LRRCC1: variants seen among roughly 807,000 people sequenced by gnomAD.
LRRCC1 encodes the protein leucine-rich repeat and coiled-coil domain-containing protein 1.
Under a neutral mutation model 126.0 loss-of-function variants are expected in LRRCC1, and 115 were observed. The observed-to-expected ratio is 0.91, with a 90% CI of 0.78 to 1.07. The LOEUF (loss-of-function observed/expected upper bound fraction) is 1.07. Ranked by LOEUF, LRRCC1 falls within the 50% of genes least tolerant of loss-of-function variation. The pLI is 0.00. For missense variants in LRRCC1, 1,172 were observed against 1,175.7 expected, an observed-to-expected ratio of 1.00 and a Z score of 0.05; for synonymous variants, 400 against 393.4, an observed-to-expected ratio of 1.02 and a Z score of -0.20.
intron 3 of LRRCC1, among the ~76,000 whole-genome samples, chr8:85,110,894 C>A (rs1455420273): frequency 1.3e-5 from 2 of 152,112 alleles, no homozygotes; most frequent in South Asian, 2.1e-4. Flanking sequence ...TCTTCATAAT[C>A]CTTATCAATA....
At chr8:85,113,133 G>T (rs758561904) in intron 4 of LRRCC1, 34 bp downstream of exon 4, 1 of 1,520,456 alleles carries the variant, frequency 6.6e-7, no homozygotes, top group South Asian at 1.2e-5. Context: ...TTTTCTAACA[G>T]TTAATATTGA....
At position 85,112,023 on chromosome 8, in the gene LRRCC1, C is replaced by T. The variant is rs1020156989; in HGVS notation, c.377-909C>T. Among the ~76,000 whole-genome samples the T allele has an allele frequency of 2.1e-4, 32 of 151,694 alleles. 1 individual carries two copies. The highest frequency in any genetic ancestry group is 8.8e-5 in the Non-Finnish European group (6 of 67,898). On this transcript the variant is annotated intron_variant, in intron 3 of 18. Coordinates refer to ENST00000360375, the MANE Select transcript of LRRCC1 (RefSeq NM_033402.5). ...CTACAGGCGTGTTCCACCATGCCCA[C>T]CTAATTTTTTGTATTTTTAGTAGAG...
intron 4 of LRRCC1, among the ~76,000 whole-genome samples, chr8:85,113,496 C>T (rs927529304): frequency 1.3e-5 from 2 of 151,998 alleles, no homozygotes; most frequent in African/African-American, 4.8e-5. Flanking sequence ...CACAGTAGGC[C>T]ACCATTTGTG....
intron 12 of LRRCC1, among the ~76,000 whole-genome samples, chr8:85,132,735 A>AAC (rs1254026461): frequency 6.6e-6 from 1 of 152,144 alleles, no homozygotes; most frequent in Non-Finnish European, 1.5e-5. Context: ...CCTGGCCTGT[A>AAC]TAGCCTAACA....
At chr8:85,115,879 G>A (rs77029033) in intron 6 of LRRCC1, among the ~76,000 whole-genome samples, 3,742 of 151,998 alleles carry the variant, frequency 0.025, 140 homozygotes, top group African/African-American at 0.084. Context: ...TATTTCCACC[G>A]TAAGCAAGGG....
At chr8:85,137,677 A>ATCTTTGG in intron 15 of LRRCC1, 50 bp downstream of exon 15, 1 of 1,279,900 alleles carries the variant, frequency 7.8e-7, no homozygotes, top group Non-Finnish European at 1.0e-6. Flanking sequence ...AGGTTTGCAA[A>ATCTTTGG]TCTTTGGATC....
At chr8:85,135,064 T>A in intron 13 of LRRCC1, 32 bp downstream of exon 13, 1 of 1,390,574 alleles carries the variant, frequency 7.2e-7, no homozygotes, top group Non-Finnish European at 9.4e-7. Flanking sequence ...TGTTTTAAAA[T>A]TTTTTTACAT....
chr8:85,107,917 A>G (rs1461190343), intron 1 of LRRCC1, among the ~76,000 whole-genome samples: 1 of 152,240 alleles, frequency 6.6e-6, no homozygotes, highest in Non-Finnish European at 1.5e-5. Context: ...ATTGCAATAC[A>G]TATATTCATA....
At position 85,123,472 on chromosome 8, in the gene LRRCC1, T is replaced by C; in HGVS notation, c.990T>C (p.Asp330=). Residue 330 remains aspartate, a synonymous_variant, in exon 7 of 19, where the codon GAT becomes GAC. Coordinates refer to ENST00000360375, the MANE Select transcript of LRRCC1 (RefSeq NM_033402.5). ...ACCCCAGACCAAAAAGAGACACAGA[T>C]ATAACTTCTGAAAGTGACTATGGAA... ...EKDPRPKRDT[D]ITSESDYGNR... is the part of the protein sequence containing the mutation. The C allele has an allele frequency of 6.2e-7, 1 of 1,610,170 alleles. No individual in the cohort carries two copies. Among genetic ancestry groups the C allele is most frequent in the Non-Finnish European group, 8.5e-7 (1 of 1,178,658 alleles).
rs770914748 is a variant in LRRCC1 at position 85,138,244 on chromosome 8, G to T, written c.2702+1G>T. 1.9e-6 allele frequency: 3 copies of T among 1,596,126 alleles called. No homozygotes were observed. In the South Asian group the frequency reaches 3.4e-5, roughly 18 times the overall value. The stretch of plus-strand genomic sequence containing the variant: ...TTGAAGAAATCAGAAAAGCTTACAG[G>T]TATTATATAGTACAGTATTTCCCAC... On this transcript the variant is annotated splice_donor_variant, in intron 16 of 18. Coordinates refer to ENST00000360375, the MANE Select transcript of LRRCC1 (RefSeq NM_033402.5). LOFTEE classifies it high-confidence loss of function.
At position 85,130,076 on chromosome 8, in the gene LRRCC1, C is replaced by G; in HGVS notation, c.1766+18C>G. On this transcript the variant is annotated intron_variant, in intron 11 of 18. Transcript: ENST00000360375. Reference sequence around the variant, plus strand: ...GAACACAGGTAAATGAAAAATGTATCAGGAATGTATTGGCATTTAAAAAAA... The same window carrying G: ...GAACACAGGTAAATGAAAAATGTATGAGGAATGTATTGGCATTTAAAAAAA... 6.5e-7 allele frequency: 1 copy of G among 1,536,492 alleles called. No homozygotes were observed. Among genetic ancestry groups the G allele is most frequent in the Non-Finnish European group, 8.7e-7 (1 of 1,147,748 alleles).
intron 9 of LRRCC1, among the ~76,000 whole-genome samples, chr8:85,127,595 G>A (rs752099074): frequency 6.6e-6 from 1 of 152,148 alleles, no homozygotes; most frequent in African/African-American, 2.4e-5. Flanking sequence ...TCTAAAATCT[G>A]ATTTGGATAA....
Position 85,113,020 on chromosome 8 carries a change from G to A in LRRCC1, c.465G>A (p.Gln155=), listed in dbSNP as rs1176401983. 1.9e-6 allele frequency: 3 copies of A among 1,609,762 alleles called. No homozygotes were observed. Among genetic ancestry groups the A allele is most frequent in the Middle Eastern group, 1.7e-4 (1 of 6,044 alleles). Residue 155 remains glutamine, a synonymous_variant, in exon 4 of 19, where the codon CAG becomes CAA. Coordinates refer to ENST00000360375, the MANE Select transcript of LRRCC1 (RefSeq NM_033402.5). ...NRIDSIHHLL[Q]CMVGLHFLTN... Reference sequence around the variant, plus strand: ...TAGATAGTATCCATCACTTACTTCAGTGTATGGTAGGATTGCACTTCCTGA... The same window carrying A: ...TAGATAGTATCCATCACTTACTTCAATGTATGGTAGGATTGCACTTCCTGA...
At chr8:85,114,252 T>C (rs1808939070) in intron 4 of LRRCC1, among the ~76,000 whole-genome samples, 1 of 151,890 alleles carries the variant, frequency 6.6e-6, no homozygotes, top group African/African-American at 2.4e-5. Flanking sequence ...AATAATCTTA[T>C]CTCAAGAACC....
intron 9 of LRRCC1, among the ~76,000 whole-genome samples, chr8:85,127,828 C>T (rs1045951352): frequency 6.6e-6 from 1 of 152,210 alleles, no homozygotes; most frequent in Non-Finnish European, 1.5e-5. Flanking sequence ...CCACCAACTT[C>T]CTGCCTTATT....
At chr8:85,145,050 A>G (rs1811570803) in intron 18 of LRRCC1, among the ~76,000 whole-genome samples, 3 of 150,362 alleles carry the variant, frequency 2.0e-5, no homozygotes, top group Admixed American at 2.0e-4. Flanking sequence ...ACTGCACTCC[A>G]GCCTGGGCGA....
rs767631976 is a variant in LRRCC1 at position 85,135,833 on chromosome 8, G to C, written c.2199G>C (p.Gln733His). 1.6e-5 allele frequency: 26 copies of C among 1,590,962 alleles called. No homozygotes were observed. The highest frequency in any genetic ancestry group is 2.1e-5 in the Non-Finnish European group (25 of 1,168,202). Residue 733 changes from glutamine to histidine, a missense_variant, in exon 14 of 19, where the codon CAG becomes CAC. By Grantham distance (24) the Gln-to-His change is conservative. Coordinates refer to ENST00000360375, the MANE Select transcript of LRRCC1 (RefSeq NM_033402.5). The part of the protein sequence containing the change: ...TLEILIEDDK[Q>H]KSIQIELLKH... ...AAATTTTAATTGAAGATGACAAGCA[G>C]AAGAGTATTCAAATAGAACTTCTCA...
intron 4 of LRRCC1, 98 bp from the exon 5 acceptor site, chr8:85,115,002 C>T (rs776830325): frequency 8.8e-5 from 75 of 854,744 alleles, no homozygotes; most frequent in Admixed American, 5.7e-4. Context: ...GGAACTATTC[C>T]GGGTGATGTA....
At chr8:85,113,250 A>G (rs1808862375) in intron 4 of LRRCC1, 151 bp downstream of exon 4, 3 of 623,770 alleles carry the variant, frequency 4.8e-6, no homozygotes, top group East Asian at 5.5e-5. Flanking sequence ...AAATTAGTGT[A>G]TTAAGACTAA....
Sources: allele counts gnomAD v4.1 joint callset (sites outside exome capture counted in the v4.1 genomes callset), GRCh38; gene constraint gnomAD v4.1.1; transcripts MANE v1.5; gene names NCBI Gene and HGNC (gene_info 2026-07-23, HGNC 2026-07-21).